MAP2K6: variants seen among roughly 807,000 people sequenced by gnomAD.
MAP2K6 encodes mitogen-activated protein kinase kinase 6.
MAP2K6 carries 16 observed loss-of-function variants against 53.7 expected under a neutral mutation model. That is an observed-to-expected ratio of 0.30 (90% CI 0.20 to 0.45). MAP2K6 has a LOEUF of 0.45. Among genes scored for constraint, MAP2K6 ranks in the 20% least tolerant of loss-of-function variants. The pLI is 1.00. For missense variants in MAP2K6, 204 were observed against 411.9 expected, an observed-to-expected ratio of 0.50 and a Z score of 4.37; for synonymous variants, 132 against 143.1, an observed-to-expected ratio of 0.92 and a Z score of 0.55.
intron 2 of MAP2K6, among the ~76,000 whole-genome samples, chr17:69,513,889 C>T (rs116710839): frequency 0.031 from 4,722 of 152,126 alleles, 207 homozygotes; most frequent in African/African-American, 0.091. Context: ...CCATGGCAAG[C>T]GGATCACTTG....
intron 1 of MAP2K6, among the ~76,000 whole-genome samples, chr17:69,449,531 G>T (rs9900531): frequency 0.013 from 1,300 of 103,348 alleles, 38 homozygotes; most frequent in Admixed American, 0.065. Context: ...TTCTTTCTTT[G>T]TCTTTCTTTC....
intron 1 of MAP2K6, among the ~76,000 whole-genome samples, chr17:69,483,142 GAAGT>G (rs1447744616): frequency 6.6e-6 from 1 of 151,698 alleles, no homozygotes; most frequent in African/African-American, 2.4e-5. Context: ...TGGAAAAGAA[GAAGT>G]AAGATGATCT....
chr17:69,456,992 C>G (rs866863468), intron 1 of MAP2K6, among the ~76,000 whole-genome samples: 1 of 152,202 alleles, frequency 6.6e-6, no homozygotes, highest in Non-Finnish European at 1.5e-5. Flanking sequence ...GCCGTGCATA[C>G]GGAATCCTCT....
chr17:69,531,946 G>A (rs552516623), intron 10 of MAP2K6, among the ~76,000 whole-genome samples: 3 of 152,188 alleles, frequency 2.0e-5, no homozygotes, highest in East Asian at 1.9e-4. Flanking sequence ...AATCTTAGCC[G>A]GTTTACACTT....
chr17:69,541,913 G>A lies in MAP2K6; in HGVS notation c.*160G>A, dbSNP rs1019489129. On this transcript the variant is annotated 3_prime_UTR_variant, in exon 12 of 12. Transcript: ENST00000590474. ...TTTTCTTTTTACTCCCCCTCTTAAG[G>A]GGGCCTTGGAATCTATAGTATAGAA... The A allele has an allele frequency of 1.1e-5, 6 of 533,890 alleles. No homozygotes were observed. The highest frequency in any genetic ancestry group is 1.9e-5 in the African/African-American group (1 of 51,510). 33.1% of individuals were successfully genotyped at this position (533,890 alleles called of 1,614,324 possible).
rs993606910 is a variant in MAP2K6, at chr17:69,544,492, G to T, written c.*2739G>T. On this transcript the variant is annotated 3_prime_UTR_variant, in exon 12 of 12. Transcript: ENST00000590474. ...TAGACTTATATATAAAGACATCTGTGTTCACGGATGACCCTCAAAATAGTT... is the reference window on the plus strand; with the variant it reads ...TAGACTTATATATAAAGACATCTGTTTTCACGGATGACCCTCAAAATAGTT... 2.0e-5 allele frequency: 3 copies of T among 152,116 alleles called. No individual in the cohort carries two copies. The East Asian group carries it at 5.8e-4, about 29-fold the overall frequency. 9.4% of individuals were successfully genotyped at this position (152,116 alleles called of 1,614,324 possible). A position where few individuals can be genotyped will look rare whatever the true frequency, so the allele number is the denominator to read the frequency against.
chr17:69,456,909 T>G (rs563821335), intron 1 of MAP2K6, among the ~76,000 whole-genome samples: 2 of 152,348 alleles, frequency 1.3e-5, no homozygotes, highest in Admixed American at 1.3e-4. Flanking sequence ...TGCTGCTTCC[T>G]TTGGACACTT....
At chr17:69,464,187 C>T (rs980556891) in intron 1 of MAP2K6, among the ~76,000 whole-genome samples, 1 of 151,334 alleles carries the variant, frequency 6.6e-6, no homozygotes, top group South Asian at 2.1e-4. Context: ...TGGGTTCAAG[C>T]GATTTTCCTG....
intron 1 of MAP2K6, among the ~76,000 whole-genome samples, chr17:69,439,074 A>G (rs1906736812): frequency 6.6e-6 from 1 of 152,222 alleles, no homozygotes. Flanking sequence ...CAAAAGCTCT[A>G]AATATTTACT....
chr17:69,523,459 A>T (rs1910593437), intron 7 of MAP2K6, 55 bp from the exon 8 acceptor site: 9 of 1,604,448 alleles, frequency 5.6e-6, no homozygotes, highest in Non-Finnish European at 6.8e-6. Context: ...GTGGCAGAGA[A>T]ATGAACCTTG....
intron 10 of MAP2K6, among the ~76,000 whole-genome samples, chr17:69,533,490 A>T (rs1911192833): frequency 6.6e-6 from 1 of 152,166 alleles, no homozygotes; most frequent in African/African-American, 2.4e-5. Flanking sequence ...GTTGTTGACC[A>T]ATGAAAGCTA....
intron 1 of MAP2K6, 147 bp downstream of exon 1, chr17:69,415,147 T>G (rs1905857427): frequency 1.4e-6 from 1 of 726,922 alleles, no homozygotes; most frequent in Non-Finnish European, 2.4e-6. Context: ...GTATGTGTCT[T>G]TTTTTGCAGA....
At chr17:69,528,233 C>G (rs1910886696) in intron 10 of MAP2K6, among the ~76,000 whole-genome samples, 1 of 152,072 alleles carries the variant, frequency 6.6e-6, no homozygotes, top group African/African-American at 2.4e-5. Context: ...AGCCCTAGGC[C>G]CCTTCTCATT....
chr17:69,486,320 A>G (rs1908535099), intron 1 of MAP2K6, among the ~76,000 whole-genome samples: 1 of 152,194 alleles, frequency 6.6e-6, no homozygotes, highest in Non-Finnish European at 1.5e-5. Flanking sequence ...GGGAGAAAGT[A>G]CCATTCTTGA....
intron 1 of MAP2K6, among the ~76,000 whole-genome samples, chr17:69,422,206 A>G (rs1906112876): frequency 7.5e-6 from 1 of 133,610 alleles, no homozygotes; most frequent in Non-Finnish European, 1.5e-5. Context: ...ACCTCAGCTC[A>G]CTGAAACCTC....
At chr17:69,456,850 A>G (rs1478216259) in intron 1 of MAP2K6, among the ~76,000 whole-genome samples, 2 of 151,996 alleles carry the variant, frequency 1.3e-5, no homozygotes, top group Non-Finnish European at 2.9e-5. Flanking sequence ...GCTGCTGACT[A>G]TCTTCCTACA....
chr17:69,523,839 G>C (rs925313334), intron 8 of MAP2K6, among the ~76,000 whole-genome samples, 198 bp downstream of exon 8: 3 of 152,112 alleles, frequency 2.0e-5, no homozygotes, highest in African/African-American at 7.2e-5. Context: ...AGTTTGTTCA[G>C]GCTGCTATGG....
At chr17:69,436,675 T>A (rs2145143987) in intron 1 of MAP2K6, among the ~76,000 whole-genome samples, 1 of 152,318 alleles carries the variant, frequency 6.6e-6, no homozygotes, top group South Asian at 2.1e-4. Flanking sequence ...GGAGAATATC[T>A]TGTCACACCT....
At chr17:69,517,392 C>T in intron 3 of MAP2K6, 108 bp from the exon 4 acceptor site, 1 of 555,194 alleles carries the variant, frequency 1.8e-6, no homozygotes, top group East Asian at 3.4e-5. Context: ...ATCTTCTGGC[C>T]CAGAAATAAT....
Sources: allele counts gnomAD v4.1 joint callset (sites outside exome capture counted in the v4.1 genomes callset), GRCh38; gene constraint gnomAD v4.1.1; transcripts MANE v1.5; gene names NCBI Gene and HGNC (gene_info 2026-07-23, HGNC 2026-07-21).